TEX9: variants seen among roughly 807,000 people sequenced by gnomAD.
TEX9 encodes testis-expressed protein 9.
In TEX9, 74 loss-of-function variants were observed where a neutral mutation model predicts 59.6. The observed-to-expected ratio is 1.24, with a 90% CI of 1.03 to 1.51. The LOEUF is 1.51. Ranked by LOEUF, TEX9 falls within the 40% of genes most tolerant of loss-of-function variation. The pLI is 0.00. For synonymous variants in TEX9, 186 were observed against 152.2 expected (o/e 1.22, Z -1.64); for missense variants, 522 against 447.8 (o/e 1.17, Z -1.49).
intron 1 of TEX9, among the ~76,000 whole-genome samples, chr15:56,317,381 C>T (rs1169245210): frequency 3.3e-5 from 5 of 152,138 alleles, no homozygotes; most frequent in African/African-American, 9.7e-5. Flanking sequence ...AGATATCTGC[C>T]CCCTTCTTTA....
At chr15:56,370,810 TCTC>T in intron 2 of TEX9, among the ~76,000 whole-genome samples, 1 of 152,188 alleles carries the variant, frequency 6.6e-6, no homozygotes, top group Non-Finnish European at 1.5e-5. Flanking sequence ...TTTGGGAAAT[TCTC>T]AGCATTAGCT....
intron 1 of TEX9, among the ~76,000 whole-genome samples, chr15:56,254,036 G>T (rs2044089153): frequency 6.6e-6 from 1 of 152,136 alleles, no homozygotes; most frequent in South Asian, 2.1e-4. Flanking sequence ...TTTTGAAAGA[G>T]TTAATTCAAA....
intron 1 of TEX9, among the ~76,000 whole-genome samples, chr15:56,271,627 C>A (rs1458531312): frequency 6.6e-6 from 1 of 152,020 alleles, no homozygotes; most frequent in East Asian, 1.9e-4. Context: ...AGGAAATGTT[C>A]CTATATTGAA....
the TEX9 span, among the ~76,000 whole-genome samples, chr15:56,457,338 T>C: frequency 6.6e-6 from 1 of 152,090 alleles, no homozygotes. Context: ...TGAAAAGATA[T>C]TCAACATCAT....
Position 56,320,405 on chromosome 15 carries a change from G to C in TEX9, c.-106-53036G>C, listed in dbSNP as rs896720338. ...TCTAGTCAATTTAGTTTCTGGTAAG[G>C]GCTCTCTTCCTGGCTTGCAGAGGGC... On this transcript the variant is annotated intron_variant, in intron 1 of 5. Transcript: ENST00000560827. Among the ~76,000 whole-genome samples the C allele has an allele frequency of 2.0e-5, 3 of 152,150 alleles. No individual in the cohort carries two copies. The South Asian group carries it at 6.2e-4, about 32-fold the overall frequency.
At chr15:56,432,325 T>TCTGA (rs2050618201) in intron 12 of TEX9, among the ~76,000 whole-genome samples, 1 of 152,210 alleles carries the variant, frequency 6.6e-6, no homozygotes, top group Non-Finnish European at 1.5e-5. Flanking sequence ...TAGGACAAAT[T>TCTGA]CTGAATAGCT....
intron 1 of TEX9, among the ~76,000 whole-genome samples, chr15:56,275,245 T>C (rs1162717376): frequency 6.6e-6 from 1 of 152,204 alleles, no homozygotes; most frequent in African/African-American, 2.4e-5. Context: ...AGGGATGACA[T>C]GGTTTGCTAT....
intron 1 of TEX9, among the ~76,000 whole-genome samples, chr15:56,294,736 TG>T (rs1186756156): frequency 6.6e-6 from 1 of 152,216 alleles, no homozygotes; most frequent in Non-Finnish European, 1.5e-5. Flanking sequence ...ACCATGGTAA[TG>T]CTTGGGTATA....
intron 10 of TEX9, among the ~76,000 whole-genome samples, chr15:56,424,055 G>C (rs555998802): frequency 2.0e-5 from 3 of 152,018 alleles, no homozygotes; most frequent in Admixed American, 2.0e-4. Context: ...TCTTCCATCC[G>C]GTGATTCTAT....
chr15:56,365,437 C>A (rs977216935), exon 1 of TEX9: 4 of 1,609,202 alleles, frequency 2.5e-6, no homozygotes, highest in Non-Finnish European at 3.4e-6. Flanking sequence ...GTAACCGCGT[C>A]GCAGTCGCCG....
intron 1 of TEX9, among the ~76,000 whole-genome samples, chr15:56,312,421 T>C (rs1324113893): frequency 6.9e-6 from 1 of 144,586 alleles, no homozygotes; most frequent in African/African-American, 2.6e-5. Flanking sequence ...CCATTGCTTG[T>C]TTTTCTCAGG....
chr15:56,380,396 GTTA>G (rs1299082296), intron 3 of TEX9, among the ~76,000 whole-genome samples: 5 of 152,032 alleles, frequency 3.3e-5, no homozygotes, highest in East Asian at 3.9e-4. Context: ...AGTTGTTGTA[GTTA>G]TTATTTTTAA....
chr15:56,424,049 C>A (rs536131138), intron 10 of TEX9, among the ~76,000 whole-genome samples: 3 of 152,098 alleles, frequency 2.0e-5, no homozygotes, highest in Non-Finnish European at 2.9e-5. Context: ...TATTGGTCTT[C>A]CATCCGGTGA....
intron 4 of TEX9, among the ~76,000 whole-genome samples, chr15:56,386,699 A>G (rs1163906532): frequency 3.9e-5 from 6 of 151,976 alleles, no homozygotes; most frequent in African/African-American, 1.4e-4. Flanking sequence ...AAAATTCCAA[A>G]CTTTGGATTA....
intron 1 of TEX9, among the ~76,000 whole-genome samples, chr15:56,324,360 T>C (rs1013042759): frequency 2.2e-4 from 34 of 152,298 alleles, no homozygotes; most frequent in Non-Finnish European, 3.8e-4. Context: ...ATAGTTCATT[T>C]TGGACAGTGT....
At chr15:56,265,838 GTT>G (rs2044367058) in intron 1 of TEX9, among the ~76,000 whole-genome samples, 1 of 152,070 alleles carries the variant, frequency 6.6e-6, no homozygotes, top group Non-Finnish European at 1.5e-5. Flanking sequence ...ATGAATATCA[GTT>G]GGGTCAAGGT....
intron 1 of TEX9, chr15:56,323,497 G>A: frequency 5.0e-6 from 1 of 199,196 alleles, no homozygotes; most frequent in Non-Finnish European, 9.9e-6. Context: ...GAATAACACT[G>A]CACAAATGAC....
chr15:56,445,370 T>C (rs2050889344), intron 12 of TEX9, among the ~76,000 whole-genome samples: 2 of 152,030 alleles, frequency 1.3e-5, no homozygotes, highest in Admixed American at 6.6e-5. Context: ...AAGTTTTAAA[T>C]GAAATATACT....
intron 1 of TEX9, among the ~76,000 whole-genome samples, chr15:56,269,066 G>A (rs947079227): frequency 2.6e-5 from 4 of 152,116 alleles, no homozygotes; most frequent in Non-Finnish European, 5.9e-5. Flanking sequence ...GGGTGTGTGT[G>A]TCAAGGAATT....
Sources: allele counts gnomAD v4.1 joint callset (sites outside exome capture counted in the v4.1 genomes callset), GRCh38; gene constraint gnomAD v4.1.1; transcripts MANE v1.5; gene names NCBI Gene and HGNC (gene_info 2026-07-23, HGNC 2026-07-21).